Variants in PCM1 observed in about 807,000 individuals in gnomAD.
PCM1 encodes the protein pericentriolar material 1 protein.
A neutral mutation model predicts 241.9 loss-of-function variants in PCM1; 157 were observed. That is an observed-to-expected ratio of 0.65 (90% CI 0.57 to 0.74). PCM1 has a LOEUF of 0.74. PCM1 is among the 30% of genes least tolerant of loss of function. The probability of loss-of-function intolerance (pLI) is 0.00; values close to 1 mark genes in which losing one functional copy is unlikely to be tolerated. For synonymous variants in PCM1, 1,085 were observed against 784.9 expected (o/e 1.38, Z -6.39); for missense variants, 3,478 against 2,360.1 (o/e 1.47, Z -9.81).
At position 17,933,426 on chromosome 8, in the gene PCM1, A is replaced by G. The variant is rs569048450; in HGVS notation, c.-22-2163A>G. 1.2e-4 allele frequency among the ~76,000 whole-genome samples: 19 copies of G among 152,278 alleles called. No homozygotes were observed. In the South Asian group the frequency reaches 3.1e-3, roughly 25 times the overall value. On this transcript the variant is annotated intron_variant, in intron 2 of 38. Transcript: ENST00000325083. ...TTTTCCGATATGTTTATTCTTCCAGATAAATTTTAGAATTATTTTGTCAAG... is the reference window on the plus strand; with the variant it reads ...TTTTCCGATATGTTTATTCTTCCAGGTAAATTTTAGAATTATTTTGTCAAG...
intron 32 of PCM1, 141 bp from the exon 33 acceptor site, chr8:18,011,096 T>G: frequency 1.8e-6 from 1 of 564,288 alleles, no homozygotes; most frequent in Non-Finnish European, 2.8e-6. Flanking sequence ...ACTTTTTTAT[T>G]TTAAAAATAA....
intron 2 of PCM1, among the ~76,000 whole-genome samples, chr8:17,935,146 G>T (rs905214420): frequency 6.6e-6 from 1 of 152,098 alleles, no homozygotes; most frequent in Non-Finnish European, 1.5e-5. Context: ...CAGTTCTCCC[G>T]TCTTTGACTC....
chr8:17,975,064 A>G (rs1337776175), intron 23 of PCM1, among the ~76,000 whole-genome samples: 1 of 152,202 alleles, frequency 6.6e-6, no homozygotes, highest in African/African-American at 2.4e-5. Flanking sequence ...ACCTTATGCC[A>G]ACTAAATCAG....
At chr8:17,964,101 TA>T (rs1204863767) in intron 17 of PCM1, among the ~76,000 whole-genome samples, 3 of 152,212 alleles carry the variant, frequency 2.0e-5, no homozygotes, top group African/African-American at 7.2e-5. Context: ...CCACTAGATA[TA>T]GGTGGTTATT....
At chr8:17,940,136 A>G (rs2129450582) in intron 6 of PCM1, 1 of 1,553,986 alleles carries the variant, frequency 6.4e-7, no homozygotes, top group Non-Finnish European at 8.7e-7. Context: ...ATAGATGTGC[A>G]GTCTGAGGCT....
intron 9 of PCM1, among the ~76,000 whole-genome samples, chr8:17,954,307 A>T (rs1385511003): frequency 6.6e-6 from 1 of 152,008 alleles, no homozygotes; most frequent in Middle Eastern, 3.2e-3. Context: ...CATGCCTGTA[A>T]TCTCAGCTAC....
chr8:18,007,440 T>G (rs945119987), intron 30 of PCM1, among the ~76,000 whole-genome samples: 1 of 152,220 alleles, frequency 6.6e-6, no homozygotes, highest in Admixed American at 6.5e-5. Context: ...TTGATGGTGT[T>G]GTGCATTGTA....
chr8:18,007,675 T>C (rs1430970762), intron 30 of PCM1, among the ~76,000 whole-genome samples: 2 of 152,186 alleles, frequency 1.3e-5, no homozygotes, highest in Non-Finnish European at 2.9e-5. Flanking sequence ...TACAAGTTAA[T>C]TTACGTTAAA....
chr8:17,979,875 C>T (rs117718378), intron 23 of PCM1, among the ~76,000 whole-genome samples: 2,585 of 152,186 alleles, frequency 0.017, 42 homozygotes, highest in South Asian at 0.044. Flanking sequence ...CTTGCCTTAG[C>T]AGATATTTGA....
chr8:18,025,629 C>T lies in PCM1; in HGVS notation c.6020C>T (p.Ala2007Val), dbSNP rs774924886. 1.9e-6 allele frequency: 3 copies of T among 1,569,834 alleles called. No individual in the cohort carries two copies. The African/African-American group carries it at 4.1e-5, about 21-fold the overall frequency. ...TGTGAAATGCAGACCGAAGAATTAG[C>T]TGGAAATTCTGAGACACTAAAAGAA... is the stretch of plus-strand genomic sequence containing the variant. ...EICEMQTEEL[A>V]GNSETLKEPE... The change falls in exon 38 of 39, where the codon GCT becomes GTT. Residue 2007 changes from alanine to valine, a missense_variant. Ala to Val is a moderately conservative substitution (Grantham distance 64). Transcript: ENST00000325083.
At chr8:18,024,223 A>G (rs2093984931) in intron 36 of PCM1, among the ~76,000 whole-genome samples, 1 of 152,176 alleles carries the variant, frequency 6.6e-6, no homozygotes, top group South Asian at 2.1e-4. Context: ...AAAATTAGCC[A>G]GGCGTGAGAG....
intron 9 of PCM1, 60 bp downstream of exon 9, chr8:17,953,246 A>T: frequency 1.3e-6 from 1 of 784,110 alleles, no homozygotes; most frequent in South Asian, 2.4e-5. Flanking sequence ...ATACTGTCAC[A>T]TAATAAATTT....
chr8:18,005,372 T>A (rs953824607), intron 29 of PCM1, among the ~76,000 whole-genome samples: 4 of 151,318 alleles, frequency 2.6e-5, no homozygotes, highest in Non-Finnish European at 3.0e-5. Flanking sequence ...TTTTTTTTTT[T>A]AAATCGCCTG....
intron 2 of PCM1, chr8:17,927,939 A>T (rs760583177): frequency 1.3e-4 from 13 of 102,918 alleles, no homozygotes; most frequent in Non-Finnish European, 1.8e-4. Context: ...GTGTCTTTGT[A>T]AAAAAAAAAA....
intron 7 of PCM1, among the ~76,000 whole-genome samples, chr8:17,949,841 G>C (rs919223654): frequency 1.3e-5 from 2 of 152,150 alleles, no homozygotes; most frequent in Non-Finnish European, 2.9e-5. Context: ...TCAGGTTAAG[G>C]ATGGAGTTAT....
intron 29 of PCM1, among the ~76,000 whole-genome samples, chr8:17,999,752 T>G (rs1469922681): frequency 1.3e-5 from 2 of 152,128 alleles, no homozygotes; most frequent in Non-Finnish European, 1.5e-5. Flanking sequence ...GGTGCTTTTT[T>G]TGTGTGTAGT....
rs908056341 is a variant in PCM1 at position 18,025,428 on chromosome 8, C to T, written c.5909C>T (p.Pro1970Leu). 6.3e-7 allele frequency: 1 copy of T among 1,598,394 alleles called. No individual in the cohort carries two copies. The highest frequency in any genetic ancestry group is 8.6e-7 in the Non-Finnish European group (1 of 1,168,524). Residue 1970 changes from proline (P) to leucine (L), a missense_variant, in exon 37 of 39, where the codon CCA becomes CTA. Physicochemically the swap from Pro to Leu is moderately conservative, Grantham distance 98. Transcript: ENST00000325083. ...EEDFVKVEDL[P>L]LKLTIYSEAD... ...GATTTTGTAAAAGTTGAAGATTTAC[C>T]ACTGAAACTGACAATATATTCAGAG... is the stretch of plus-strand genomic sequence containing the variant.
intron 29 of PCM1, 109 bp downstream of exon 29, chr8:17,993,728 A>C (rs551247922): frequency 1.4e-5 from 12 of 865,000 alleles, no homozygotes; most frequent in Non-Finnish European, 1.9e-5. Flanking sequence ...ACAACAACAA[A>C]AAAACTATCA....
At chr8:17,986,562 G>C (rs1261946926) in intron 26 of PCM1, among the ~76,000 whole-genome samples, 1 of 151,116 alleles carries the variant, frequency 6.6e-6, no homozygotes, top group Non-Finnish European at 1.5e-5. Context: ...AGAAAATTTT[G>C]AATAGAGTAA....
Sources: allele counts gnomAD v4.1 joint callset (sites outside exome capture counted in the v4.1 genomes callset), GRCh38; gene constraint gnomAD v4.1.1; transcripts MANE v1.5; gene names NCBI Gene and HGNC (gene_info 2026-07-23, HGNC 2026-07-21).